Variants in COL21A1 observed in about 807,000 individuals in gnomAD.
COL21A1 encodes the protein collagen alpha-1(XXI) chain.
A neutral mutation model predicts 137.9 loss-of-function variants in COL21A1; 149 were observed. That is an observed-to-expected ratio of 1.08 (90% CI 0.95 to 1.24). The LOEUF is 1.24. Ranked by LOEUF, COL21A1 falls within the 50% of genes most tolerant of loss-of-function variation. The pLI, the probability that COL21A1 is intolerant of heterozygous loss-of-function variation, is 0.00. For synonymous variants in COL21A1, 456 were observed against 391.5 expected, an observed-to-expected ratio of 1.16 and a Z score of -1.95; for missense variants, 1,167 against 1,158.4, an observed-to-expected ratio of 1.01 and a Z score of -0.11.
chr6:56,143,828 C>A (rs189367521), intron 10 of COL21A1, among the ~76,000 whole-genome samples: 1 of 152,146 alleles, frequency 6.6e-6, no homozygotes, highest in East Asian at 1.9e-4. Flanking sequence ...TGAACACATT[C>A]TTTGGCACAC....
chr6:56,364,081 T>C (rs564251453), intron 1 of COL21A1, among the ~76,000 whole-genome samples: 3 of 152,236 alleles, frequency 2.0e-5, no homozygotes, highest in African/African-American at 4.8e-5. Context: ...GTGATTTCAT[T>C]AGAATAGAAA....
At chr6:56,225,205 A>G (rs1781111471) in intron 1 of COL21A1, among the ~76,000 whole-genome samples, 1 of 152,068 alleles carries the variant, frequency 6.6e-6, no homozygotes, top group African/African-American at 2.4e-5. Flanking sequence ...GCAAGTTACA[A>G]TAAGATTTCT....
intron 1 of COL21A1, among the ~76,000 whole-genome samples, chr6:56,253,881 T>C (rs1006719605): frequency 5.3e-5 from 8 of 152,232 alleles, no homozygotes; most frequent in African/African-American, 1.9e-4. Flanking sequence ...ATTTGACTGA[T>C]TCTAATTTGG....
rs751410714 is a variant in COL21A1 at position 56,164,794 on chromosome 6, A to G, written c.1287+20T>C. 12 of 1,564,064 alleles carry G rather than the reference A, an allele frequency of 7.7e-6. No individual in the cohort carries two copies. In the African/African-American group the frequency reaches 1.2e-4, roughly 16 times the overall value. On this transcript the variant is annotated intron_variant, in intron 8 of 29. Coordinates refer to ENST00000244728, the MANE Select transcript of COL21A1 (RefSeq NM_030820.4). ...CAATACAAATATTACCTTAAGGGGAACAATAGTATCCAAGCCTACCTCTCC... is the reference window on the plus strand; with the variant it reads ...CAATACAAATATTACCTTAAGGGGAGCAATAGTATCCAAGCCTACCTCTCC...
In COL21A1 at chr6:56,059,210, G is replaced by A. The variant is rs370832811; in HGVS notation, c.2641C>T (p.Gln881Ter). Reference protein sequence around the residue: ...LPGRNGEKGSQGFGYPGEQGP... With the variant: ...LPGRNGEKGS ...TGTTCTCCAGGATACCCAAACCCTT[G>A]GCTCCCTTTTTCCCCATTTCTTCCT... The change falls in exon 29 of 30, where the codon CAA becomes TAA. Residue 881 changes from glutamine to a stop codon, truncating the protein, a stop_gained. Transcript: ENST00000244728. LOFTEE classifies it high-confidence loss of function. 9 of 1,607,694 alleles carry A rather than the reference G, an allele frequency of 5.6e-6. No individual in the cohort carries two copies. The highest frequency in any genetic ancestry group is 8.5e-7 in the Non-Finnish European group (1 of 1,178,156).
intron 2 of COL21A1, among the ~76,000 whole-genome samples, chr6:56,181,452 T>A (rs1385151093): frequency 1.3e-5 from 2 of 152,136 alleles, no homozygotes; most frequent in Non-Finnish European, 2.9e-5. Flanking sequence ...GCAGAGCTTT[T>A]CAATGTTGGC....
At chr6:56,315,259 C>A (rs1431760115) in intron 1 of COL21A1, among the ~76,000 whole-genome samples, 1 of 152,136 alleles carries the variant, frequency 6.6e-6, no homozygotes, top group Non-Finnish European at 1.5e-5. Context: ...CTTCCTTGCC[C>A]CTCGGGCCTA....
At chr6:56,219,612 T>C (rs1780705457) in intron 1 of COL21A1, among the ~76,000 whole-genome samples, 1 of 152,108 alleles carries the variant, frequency 6.6e-6, no homozygotes, top group Non-Finnish European at 1.5e-5. Context: ...AAACTGTTAT[T>C]AACAAAAAAA....
At chr6:56,312,981 C>T (rs892929206) in intron 1 of COL21A1, among the ~76,000 whole-genome samples, 8 of 152,156 alleles carry the variant, frequency 5.3e-5, no homozygotes, top group African/African-American at 1.9e-4. Flanking sequence ...AATCCATAGC[C>T]TTCCGCACTA....
At chr6:56,105,518 T>C (rs1770811394) in intron 16 of COL21A1, among the ~76,000 whole-genome samples, 1 of 152,218 alleles carries the variant, frequency 6.6e-6, no homozygotes, top group South Asian at 2.1e-4. Context: ...CCTTCTTTAT[T>C]CTAGTTAAGA....
chr6:56,260,705 C>CAGGCAGGAAGGG lies in COL21A1; in HGVS notation c.-38-78050_-38-78049insCCCTTCCTGCCT, dbSNP rs1554171251. The stretch of plus-strand genomic sequence containing the variant: ...GAAGGAAGGAAGGCAGGCAGGCAGG[C>CAGGCAGGAAGGG]AGGCAGGCAGGAAGGGAGGCAGGCA... On this transcript the variant is annotated intron_variant, in intron 1 of 28. Coordinates refer to the COL21A1 transcript ENST00000370819. Among the ~76,000 whole-genome samples, 140 of 128,898 alleles carry CAGGCAGGAAGGG rather than the reference C, an allele frequency of 1.1e-3. 1 individual carries two copies. The highest frequency in any genetic ancestry group is 2.1e-3 in the African/African-American group (67 of 32,286). The allele number at this position is 128,898 out of a possible 152,430, so 84.6% of individuals were successfully genotyped here.
chr6:56,168,064 A>G (rs1168427767), intron 6 of COL21A1, 60 bp downstream of exon 6: 1 of 1,167,816 alleles, frequency 8.6e-7, no homozygotes, highest in African/African-American at 1.5e-5. Flanking sequence ...GAAAACTATT[A>G]CAAAGGACAG....
At chr6:56,320,572 C>G (rs1047820572) in intron 1 of COL21A1, among the ~76,000 whole-genome samples, 5 of 151,824 alleles carry the variant, frequency 3.3e-5, no homozygotes, top group African/African-American at 4.8e-5. Flanking sequence ...CTTTTCTTCT[C>G]TCTCCTACAG....
intron 1 of COL21A1, among the ~76,000 whole-genome samples, chr6:56,353,806 G>A (rs1362583783): frequency 1.3e-5 from 2 of 152,022 alleles, no homozygotes; most frequent in Non-Finnish European, 2.9e-5. Context: ...AAACAAACAT[G>A]CTACAGGGAA....
chr6:56,248,892 A>C (rs763312264), upstream of COL21A1, among the ~76,000 whole-genome samples: 4 of 152,234 alleles, frequency 2.6e-5, no homozygotes, highest in Non-Finnish European at 4.4e-5. Flanking sequence ...AAGAAAAAAT[A>C]AGTTAGACTC....
At chr6:56,252,162 A>G (rs1300888321), upstream of COL21A1, among the ~76,000 whole-genome samples, 3 of 152,194 alleles carry the variant, frequency 2.0e-5, no homozygotes, top group African/African-American at 7.2e-5. Flanking sequence ...TAGCCAAGAA[A>G]CTTCAATACC....
At chr6:56,381,135 A>G (rs529579777) in intron 1 of COL21A1, among the ~76,000 whole-genome samples, 2 of 152,286 alleles carry the variant, frequency 1.3e-5, no homozygotes, top group Admixed American at 1.3e-4. Context: ...TGCTATATTT[A>G]GGAAATTAAC....
At position 56,170,872 on chromosome 6, in the gene COL21A1, A is replaced by G. The variant is rs1776983671; in HGVS notation, c.810-7T>C. ...ACCTTCTGGGAAAACATTGCTAGAA[A>G]AAGAAGAGCAAGTGTAAGCTTAAAG... On this transcript the variant is annotated splice_region_variant and splice_polypyrimidine_tract_variant and intron_variant, in intron 4 of 29. Transcript: ENST00000244728. 6.2e-7 allele frequency: 1 copy of G among 1,606,862 alleles called. No individual in the cohort carries two copies.
chr6:56,250,356 G>A (rs954499057), upstream of COL21A1, among the ~76,000 whole-genome samples: 3 of 152,220 alleles, frequency 2.0e-5, no homozygotes, highest in African/African-American at 7.2e-5. Context: ...TTTCCTCACA[G>A]AAGAGGAAGT....
Sources: gnomAD v4.1 joint callset for allele counts (sites outside exome capture counted in the v4.1 genomes callset) on GRCh38, gnomAD v4.1.1 for gene constraint, MANE v1.5 for transcripts, NCBI Gene and HGNC (gene_info 2026-07-23, HGNC 2026-07-21) for gene names.